TCF4: variants seen among roughly 807,000 people sequenced by gnomAD.
TCF4 encodes the protein transcription factor 4, also known as SL3-3 enhancer factor 2.
Under a neutral mutation model 82.1 loss-of-function variants are expected in TCF4, and 3 were observed. That is an observed-to-expected ratio of 0.04 (90% CI 0.02 to 0.09). The LOEUF is 0.09. TCF4 is among the 10% of genes least tolerant of loss of function. The probability of loss-of-function intolerance (pLI) is 1.00; values close to 1 mark genes in which losing one functional copy is unlikely to be tolerated. For synonymous variants in TCF4, 276 were observed against 309.6 expected (o/e 0.89, Z 1.14); for missense variants, 518 against 852.7 (o/e 0.61, Z 4.89).
chr18:55,301,516 C>T (rs1298665170), intron 8 of TCF4, among the ~76,000 whole-genome samples: 1 of 152,150 alleles, frequency 6.6e-6, no homozygotes, highest in Non-Finnish European at 1.5e-5. Context: ...GTTCCAATTC[C>T]TCCAGCAGCC....
At chr18:55,381,438 T>C (rs1239709622) in intron 6 of TCF4, among the ~76,000 whole-genome samples, 9 of 152,362 alleles carry the variant, frequency 5.9e-5, no homozygotes, top group African/African-American at 1.7e-4. Flanking sequence ...TACAGGCCTA[T>C]GCTGCAATAG....
At chr18:55,458,871 G>A (rs575858066) in intron 5 of TCF4, among the ~76,000 whole-genome samples, 7 of 151,674 alleles carry the variant, frequency 4.6e-5, no homozygotes, top group Non-Finnish European at 8.8e-5. Flanking sequence ...ATACCCTCTC[G>A]CTCTGAGGGT....
At chr18:55,328,940 T>C (rs940369936) in intron 8 of TCF4, among the ~76,000 whole-genome samples, 2 of 152,144 alleles carry the variant, frequency 1.3e-5, no homozygotes, top group Non-Finnish European at 1.5e-5. Flanking sequence ...TTTCCTGAGG[T>C]TTCTAACTGT....
intron 3 of TCF4, among the ~76,000 whole-genome samples, chr18:55,493,777 C>A (rs1465135131): frequency 6.6e-6 from 1 of 152,108 alleles, no homozygotes; most frequent in Non-Finnish European, 1.5e-5. Flanking sequence ...TGTCTCTCTG[C>A]AAAAGATGTG....
intron 6 of TCF4, among the ~76,000 whole-genome samples, chr18:55,369,765 T>C (rs1271957547): frequency 6.6e-6 from 1 of 152,210 alleles, no homozygotes; most frequent in African/African-American, 2.4e-5. Context: ...TAAATAAAAA[T>C]GTATTCATTA....
intron 3 of TCF4, among the ~76,000 whole-genome samples, chr18:55,555,344 C>G (rs2097294787): frequency 6.6e-6 from 1 of 152,172 alleles, no homozygotes; most frequent in Non-Finnish European, 1.5e-5. Context: ...CTAGATGTGA[C>G]TCTCCAACAG....
chr18:55,360,806 C>T (rs1306350987), intron 6 of TCF4, among the ~76,000 whole-genome samples: 2 of 141,566 alleles, frequency 1.4e-5, no homozygotes, highest in Non-Finnish European at 3.0e-5. Flanking sequence ...TGGCTCACTG[C>T]AACCTCCAAC....
chr18:55,621,887 C>A (rs2097720880), intron 2 of TCF4, among the ~76,000 whole-genome samples: 1 of 101,806 alleles, frequency 9.8e-6, no homozygotes, highest in Non-Finnish European at 1.8e-5. Context: ...ATAATATATA[C>A]ATTATATATT....
chr18:55,299,451 CTTTT>C (rs113065305), intron 8 of TCF4, among the ~76,000 whole-genome samples: 9 of 116,810 alleles, frequency 7.7e-5, no homozygotes, highest in Non-Finnish European at 1.3e-4. Context: ...CATGTTTCTG[CTTTT>C]TTTTTTTTTT....
intron 5 of TCF4, among the ~76,000 whole-genome samples, chr18:55,409,230 C>T (rs1294265997): frequency 6.6e-6 from 1 of 152,132 alleles, no homozygotes; most frequent in Non-Finnish European, 1.5e-5. Context: ...GATCCCACAA[C>T]GGGCTCCAAA....
At chr18:55,497,728 T>A (rs1030873475) in intron 3 of TCF4, among the ~76,000 whole-genome samples, 1 of 152,224 alleles carries the variant, frequency 6.6e-6, no homozygotes, top group Non-Finnish European at 1.5e-5. Context: ...AGTTAAATGT[T>A]TTAAAAACAG....
At chr18:55,240,450 T>C (rs1272198147) in intron 15 of TCF4, among the ~76,000 whole-genome samples, 1 of 152,252 alleles carries the variant, frequency 6.6e-6, no homozygotes, top group African/African-American at 2.4e-5. Flanking sequence ...TTCAATTATC[T>C]TGCCAGACCT....
In TCF4 at chr18:55,325,341, G is replaced by A. The variant is rs149999628; in HGVS notation, c.549+25018C>T. On this transcript the variant is annotated intron_variant, in intron 8 of 19. Transcript: ENST00000354452. ...TAATGCTTTAATTGTGAAGGCAATCGCACATACATTAAACAATTAGATAAC... is the reference window on the plus strand; with the variant it reads ...TAATGCTTTAATTGTGAAGGCAATCACACATACATTAAACAATTAGATAAC... 3.2e-3 allele frequency among the ~76,000 whole-genome samples: 487 copies of A among 152,220 alleles called. 1 individual carries two copies. Among genetic ancestry groups the A allele is most frequent in the Non-Finnish European group, 5.4e-3 (367 of 68,010 alleles).
Position 55,446,923 on chromosome 18 carries a change from T to C in TCF4, c.304+14096A>G, listed in dbSNP as rs568612538. On this transcript the variant is annotated intron_variant, in intron 5 of 19. Transcript: ENST00000354452. ...ATGGCGTGAACCCAGGAGGTGGAGC[T>C]AGCAGTGAGCGGAGATCGCGCCACT... 9.4e-5 allele frequency among the ~76,000 whole-genome samples: 13 copies of C among 138,046 alleles called. No individual in the cohort carries two copies. The East Asian group carries it at 2.8e-3, about 29-fold the overall frequency. 90.6% of individuals were successfully genotyped at this position (138,046 alleles called of 152,430 possible). A position where few individuals can be genotyped will look rare whatever the true frequency, so the allele number is the denominator to read the frequency against.
At chr18:55,563,819 G>C (rs2097375962) in intron 3 of TCF4, among the ~76,000 whole-genome samples, 1 of 152,202 alleles carries the variant, frequency 6.6e-6, no homozygotes, top group Admixed American at 6.5e-5. Flanking sequence ...TATGCAAAGT[G>C]TATTTGCAAA....
At chr18:55,542,711 A>C (rs1283637308) in intron 3 of TCF4, among the ~76,000 whole-genome samples, 4 of 151,970 alleles carry the variant, frequency 2.6e-5, no homozygotes, top group Admixed American at 2.0e-4. Context: ...CACTGCAATC[A>C]TGTCCACACT....
At chr18:55,301,277 A>G (rs1438659740) in intron 8 of TCF4, among the ~76,000 whole-genome samples, 1 of 152,216 alleles carries the variant, frequency 6.6e-6, no homozygotes. Flanking sequence ...AATGTAATAC[A>G]GTAGGTAAAA....
At chr18:55,373,063 T>C (rs568913310) in intron 6 of TCF4, among the ~76,000 whole-genome samples, 1 of 152,186 alleles carries the variant, frequency 6.6e-6, no homozygotes, top group Non-Finnish European at 1.5e-5. Flanking sequence ...AATTAAACTA[T>C]GTTTATTTGG....
chr18:55,596,976 C>G (rs1466336476), intron 2 of TCF4, among the ~76,000 whole-genome samples: 2 of 152,050 alleles, frequency 1.3e-5, no homozygotes, highest in Non-Finnish European at 2.9e-5. Context: ...GGCGGACTCC[C>G]CTTGCTGTTC....
Sources: allele counts gnomAD v4.1 joint callset (sites outside exome capture counted in the v4.1 genomes callset), GRCh38; gene constraint gnomAD v4.1.1; transcripts MANE v1.5; gene names NCBI Gene and HGNC (gene_info 2026-07-23, HGNC 2026-07-21).